The following SGCZ variants were observed in gnomAD, a reference collection of about 807,000 sequenced individuals.
SGCZ encodes the protein sarcoglycan zeta, also known as zeta-sarcoglycan.
A neutral mutation model predicts 41.3 loss-of-function variants in SGCZ; 40 were observed. The ratio of observed to expected loss-of-function variants is 0.97; its 90% CI spans 0.75 to 1.26. The LOEUF (loss-of-function observed/expected upper bound fraction) is 1.26. Ranked by LOEUF, SGCZ falls within the 50% of genes most tolerant of loss-of-function variation. The probability of loss-of-function intolerance (pLI) is 0.00; values close to 1 mark genes in which losing one functional copy is unlikely to be tolerated. For synonymous variants in SGCZ, 206 were observed against 137.5 expected, an observed-to-expected ratio of 1.50 and a Z score of -3.49; for missense variants, 552 against 369.8, an observed-to-expected ratio of 1.49 and a Z score of -4.04.
chr8:14,477,849 A>T (rs1186305041), intron 2 of SGCZ, among the ~76,000 whole-genome samples: 2 of 152,182 alleles, frequency 1.3e-5, no homozygotes, highest in African/African-American at 4.8e-5. Context: ...CACCAACTTA[A>T]TATCACTCCT....
At chr8:14,608,217 A>C (rs1310366180) in intron 1 of SGCZ, among the ~76,000 whole-genome samples, 2 of 151,530 alleles carry the variant, frequency 1.3e-5, no homozygotes, top group Non-Finnish European at 2.9e-5. Context: ...ATGTGAATAC[A>C]GCTTTCCACA....
At chr8:15,149,598 A>G (rs1799122900) in intron 1 of SGCZ, among the ~76,000 whole-genome samples, 1 of 152,096 alleles carries the variant, frequency 6.6e-6, no homozygotes, top group Admixed American at 6.6e-5. Context: ...CAACAATGAA[A>G]TATCATTTAT....
chr8:14,778,599 A>G (rs760142143), intron 1 of SGCZ, among the ~76,000 whole-genome samples: 4 of 152,210 alleles, frequency 2.6e-5, no homozygotes, highest in Non-Finnish European at 5.9e-5. Context: ...AACCTATGTT[A>G]CGGATATATA....
chr8:14,625,792 G>A (rs73188109), intron 1 of SGCZ, among the ~76,000 whole-genome samples: 23,027 of 152,058 alleles, frequency 0.15, 2,173 homozygotes, highest in Admixed American at 0.23. Context: ...TATATATTCC[G>A]ACCCCATTAG....
chr8:15,228,217 A>G (rs1448296047), intron 1 of SGCZ, among the ~76,000 whole-genome samples: 2 of 152,242 alleles, frequency 1.3e-5, no homozygotes, highest in East Asian at 3.8e-4. Context: ...AATTGGACTC[A>G]GAAGCTCTTA....
At chr8:14,776,123 A>G (rs1699986955) in intron 1 of SGCZ, among the ~76,000 whole-genome samples, 2 of 152,244 alleles carry the variant, frequency 1.3e-5, no homozygotes, top group South Asian at 4.1e-4. Flanking sequence ...CTTATTTTAT[A>G]GAATTTAAAA....
intron 1 of SGCZ, among the ~76,000 whole-genome samples, chr8:14,934,343 G>T (rs1800017090): frequency 6.6e-6 from 1 of 151,840 alleles, no homozygotes. Flanking sequence ...TAAATTAAAA[G>T]TATTCATGAG....
At chr8:14,382,047 G>A (rs1275804063) in intron 2 of SGCZ, among the ~76,000 whole-genome samples, 1 of 152,204 alleles carries the variant, frequency 6.6e-6, no homozygotes, top group African/African-American at 2.4e-5. Flanking sequence ...GAAATTTATT[G>A]TAAAGAGTAT....
chr8:14,612,756 T>G (rs2117344548), intron 1 of SGCZ, among the ~76,000 whole-genome samples: 1 of 152,250 alleles, frequency 6.6e-6, no homozygotes, highest in South Asian at 2.1e-4. Flanking sequence ...GCAGGATCTC[T>G]GCTCATTGCA....
intron 1 of SGCZ, among the ~76,000 whole-genome samples, chr8:15,040,059 G>C (rs1191340327): frequency 1.3e-5 from 2 of 152,138 alleles, no homozygotes; most frequent in Non-Finnish European, 2.9e-5. Context: ...ATGTCATACA[G>C]ATAAAAGGAT....
intron 3 of SGCZ, among the ~76,000 whole-genome samples, chr8:14,265,071 A>T (rs1799826145): frequency 6.6e-6 from 1 of 152,218 alleles, no homozygotes; most frequent in African/African-American, 2.4e-5. Flanking sequence ...ATCCACAAAC[A>T]TCAAGAATAT....
chr8:14,698,232 T>C (rs1301685582), intron 1 of SGCZ, among the ~76,000 whole-genome samples: 5 of 151,980 alleles, frequency 3.3e-5, no homozygotes, highest in Non-Finnish European at 7.4e-5. Flanking sequence ...TTTGCTTTTA[T>C]GTGAAGGTAT....
intron 2 of SGCZ, among the ~76,000 whole-genome samples, chr8:14,539,402 A>C (rs139926297): frequency 6.6e-6 from 1 of 152,004 alleles, no homozygotes; most frequent in Admixed American, 6.6e-5. Context: ...AAATTAGGGA[A>C]CTCAGGGGTC....
At chr8:14,866,058 T>C (rs941583440) in intron 1 of SGCZ, among the ~76,000 whole-genome samples, 13 of 152,096 alleles carry the variant, frequency 8.5e-5, no homozygotes, top group Non-Finnish European at 8.8e-5. Flanking sequence ...AAGGAGGTAT[T>C]TGTTCTCCTA....
intron 1 of SGCZ, among the ~76,000 whole-genome samples, chr8:14,688,740 T>C (rs139868043): frequency 0.017 from 2,562 of 152,136 alleles, 44 homozygotes; most frequent in South Asian, 0.083. Context: ...AGAAAGTCAT[T>C]GGTAGTTGGA....
At chr8:14,629,677 G>T (rs1806582102) in intron 1 of SGCZ, among the ~76,000 whole-genome samples, 1 of 152,012 alleles carries the variant, frequency 6.6e-6, no homozygotes, top group Non-Finnish European at 1.5e-5. Flanking sequence ...GTGAATCCTT[G>T]TCTATGGAAT....
At chr8:15,012,449 T>C (rs1802857672) in intron 1 of SGCZ, among the ~76,000 whole-genome samples, 1 of 147,322 alleles carries the variant, frequency 6.8e-6, no homozygotes, top group Admixed American at 6.9e-5. Context: ...GGTGACACAG[T>C]AAGACTTTTT....
chr8:14,620,666 C>T (rs1305618979), intron 1 of SGCZ, among the ~76,000 whole-genome samples: 1 of 152,186 alleles, frequency 6.6e-6, no homozygotes, highest in Non-Finnish European at 1.5e-5. Context: ...GACATTTCTG[C>T]AGCCAACAGA....
At chr8:14,614,140 T>C (rs184275572) in intron 1 of SGCZ, among the ~76,000 whole-genome samples, 2 of 152,258 alleles carry the variant, frequency 1.3e-5, no homozygotes, top group East Asian at 3.9e-4. Flanking sequence ...TCCAGAACAA[T>C]TTCCCTAATG....
Sources: gnomAD v4.1 joint callset for allele counts (sites outside exome capture counted in the v4.1 genomes callset) on GRCh38, gnomAD v4.1.1 for gene constraint, MANE v1.5 for transcripts, NCBI Gene and HGNC (gene_info 2026-07-23, HGNC 2026-07-21) for gene names.